The following ARHGAP26 variants were observed in gnomAD, a reference collection of about 807,000 sequenced individuals.
The protein encoded by ARHGAP26 is rho GTPase-activating protein 26.
A neutral mutation model predicts 104.8 loss-of-function variants in ARHGAP26; 38 were observed. That is an observed-to-expected ratio of 0.36 (90% CI 0.28 to 0.48). The LOEUF is 0.48. Among genes scored for constraint, ARHGAP26 ranks in the 20% least tolerant of loss-of-function variants. ARHGAP26 has a pLI of 0.99. For synonymous variants in ARHGAP26, 341 were observed against 340.0 expected, an observed-to-expected ratio of 1.00 and a Z score of -0.03; for missense variants, 704 against 947.9, an observed-to-expected ratio of 0.74 and a Z score of 3.38.
At chr5:143,110,761 A>G (rs76821520) in intron 17 of ARHGAP26, among the ~76,000 whole-genome samples, 3,063 of 152,318 alleles carry the variant, frequency 0.02, 112 homozygotes, top group African/African-American at 0.071. Flanking sequence ...TTTTCCAGGA[A>G]GAAAGGCTTT....
At chr5:142,835,303 G>T (rs148083189) in intron 1 of ARHGAP26, among the ~76,000 whole-genome samples, 100 of 152,194 alleles carry the variant, frequency 6.6e-4, no homozygotes, top group African/African-American at 2.2e-3. Flanking sequence ...ATCAGAGATA[G>T]AATTTATGGT....
At chr5:142,900,469 A>C (rs1760149234) in intron 6 of ARHGAP26, among the ~76,000 whole-genome samples, 2 of 152,132 alleles carry the variant, frequency 1.3e-5, no homozygotes, top group African/African-American at 4.8e-5. Context: ...GTTAAGGGCC[A>C]TATTGTCATA....
Position 142,924,923 on chromosome 5 carries a change from T to A in ARHGAP26, c.1029-7124T>A, listed in dbSNP as rs150621263. On this transcript the variant is annotated intron_variant, in intron 10 of 22. Coordinates refer to ENST00000645722, the MANE Select transcript of ARHGAP26 (RefSeq NM_001135608.3). The stretch of plus-strand genomic sequence containing the variant: ...CAAGAATATAGACAGGCATCCTTCA[T>A]TGTTGGTCTTAATGCATGAGATGGA... Among the ~76,000 whole-genome samples, 29 of 152,342 alleles carry A rather than the reference T, an allele frequency of 1.9e-4. No individual in the cohort carries two copies. The East Asian group carries it at 5.4e-3, about 28-fold the overall frequency.
chr5:142,833,881 G>A (rs1769019787), intron 1 of ARHGAP26, among the ~76,000 whole-genome samples: 1 of 152,098 alleles, frequency 6.6e-6, no homozygotes, highest in Non-Finnish European at 1.5e-5. Context: ...ACTACCACTT[G>A]GAAATATCTT....
chr5:143,176,787 T>G (rs906979518), intron 20 of ARHGAP26, among the ~76,000 whole-genome samples: 2 of 152,214 alleles, frequency 1.3e-5, no homozygotes, highest in African/African-American at 4.8e-5. Context: ...AATACTATAA[T>G]GAAAATTTCC....
chr5:143,132,563 A>T (rs1797471177), intron 18 of ARHGAP26, among the ~76,000 whole-genome samples: 1 of 152,258 alleles, frequency 6.6e-6, no homozygotes, highest in Middle Eastern at 3.4e-3. Context: ...GAAATACTGT[A>T]TAATGTTAGA....
At chr5:143,211,170 T>G (rs565486394) in intron 21 of ARHGAP26, among the ~76,000 whole-genome samples, 1 of 152,154 alleles carries the variant, frequency 6.6e-6, no homozygotes, top group South Asian at 2.1e-4. Flanking sequence ...AAGATAAGAC[T>G]TTTTGGGTAG....
chr5:143,011,335 A>G (rs961414442), intron 11 of ARHGAP26, among the ~76,000 whole-genome samples: 6 of 119,550 alleles, frequency 5.0e-5, no homozygotes, highest in African/African-American at 1.6e-4. Flanking sequence ...ACTTTCTCCA[A>G]TGTACTTATC....
chr5:142,791,699 C>T (rs1759845320), intron 1 of ARHGAP26, among the ~76,000 whole-genome samples: 1 of 152,128 alleles, frequency 6.6e-6, no homozygotes. Flanking sequence ...CATGGTAGCT[C>T]ATACCTGTAA....
At chr5:142,857,370 G>A (rs187763053) in intron 1 of ARHGAP26, among the ~76,000 whole-genome samples, 130 of 152,238 alleles carry the variant, frequency 8.5e-4, no homozygotes, top group African/African-American at 3.0e-3. Flanking sequence ...TGGGTTGATG[G>A]GCACAGTGAG....
chr5:142,933,704 A>G (rs1172258258), intron 11 of ARHGAP26, among the ~76,000 whole-genome samples: 1 of 152,172 alleles, frequency 6.6e-6, no homozygotes, highest in African/African-American at 2.4e-5. Flanking sequence ...TGGTACAGCC[A>G]TATCTACCTG....
chr5:143,152,640 A>G (rs1799985412), intron 20 of ARHGAP26, among the ~76,000 whole-genome samples: 1 of 152,112 alleles, frequency 6.6e-6, no homozygotes, highest in Admixed American at 6.5e-5. Context: ...GCTGACCTTT[A>G]CCCTTTGACT....
At chr5:143,160,636 C>T (rs890883227) in intron 20 of ARHGAP26, among the ~76,000 whole-genome samples, 5 of 152,202 alleles carry the variant, frequency 3.3e-5, no homozygotes, top group African/African-American at 1.2e-4. Flanking sequence ...CAGGCATGTG[C>T]CACCATACCC....
At chr5:143,009,099 C>G (rs1378500046) in intron 11 of ARHGAP26, among the ~76,000 whole-genome samples, 1 of 152,038 alleles carries the variant, frequency 6.6e-6, no homozygotes, top group Non-Finnish European at 1.5e-5. Context: ...TCGTCAGGAT[C>G]GAACCCTGTG....
At chr5:143,204,719 G>A (rs1421018041) in intron 20 of ARHGAP26, among the ~76,000 whole-genome samples, 1 of 152,076 alleles carries the variant, frequency 6.6e-6, no homozygotes, top group Non-Finnish European at 1.5e-5. Flanking sequence ...CACAGAATAT[G>A]TTCCAAACTA....
chr5:143,069,311 T>C (rs1787933442), intron 17 of ARHGAP26, among the ~76,000 whole-genome samples: 1 of 152,228 alleles, frequency 6.6e-6, no homozygotes, highest in Non-Finnish European at 1.5e-5. Context: ...TACACTACTG[T>C]ATCCTTAGCA....
At chr5:142,835,061 A>G (rs940271061) in intron 1 of ARHGAP26, among the ~76,000 whole-genome samples, 7 of 152,322 alleles carry the variant, frequency 4.6e-5, no homozygotes, top group East Asian at 3.9e-4. Flanking sequence ...TATTGTCTCC[A>G]TCTGATAGAA....
At chr5:143,215,089 G>T (rs1226675632) in intron 22 of ARHGAP26, among the ~76,000 whole-genome samples, 1 of 152,218 alleles carries the variant, frequency 6.6e-6, no homozygotes, top group Non-Finnish European at 1.5e-5. Context: ...AGGCCCAGGC[G>T]GCGGAGTCCT....
intron 1 of ARHGAP26, among the ~76,000 whole-genome samples, chr5:142,869,890 G>A (rs1366556549): frequency 6.6e-6 from 1 of 152,168 alleles, no homozygotes; most frequent in Non-Finnish European, 1.5e-5. Flanking sequence ...GGCTCTGGGA[G>A]CAGTCTCTCA....
Sources: gnomAD v4.1 joint callset for allele counts (sites outside exome capture counted in the v4.1 genomes callset) on GRCh38, gnomAD v4.1.1 for gene constraint, MANE v1.5 for transcripts, NCBI Gene and HGNC (gene_info 2026-07-23, HGNC 2026-07-21) for gene names.